The following UBE3A variants were observed in gnomAD, a reference collection of about 807,000 sequenced individuals.
The protein encoded by UBE3A is ubiquitin protein ligase E3A, also known as ubiquitin-protein ligase E3A.
A neutral mutation model predicts 83.4 loss-of-function variants in UBE3A; 6 were observed. The ratio of observed to expected loss-of-function variants is 0.07; its 90% CI spans 0.04 to 0.14. The LOEUF is 0.14. Among genes scored for constraint, UBE3A ranks in the 10% least tolerant of loss-of-function variants. UBE3A has a pLI of 1.00. For synonymous variants in UBE3A, 337 were observed against 355.4 expected (o/e 0.95, Z 0.58); for missense variants, 456 against 1,036.1 (o/e 0.44, Z 7.69).
chr15:25,408,587 A>C lies in UBE3A; in HGVS notation c.20+501T>G, dbSNP rs1439594626. 8 of 1,613,622 alleles carry C rather than the reference A, an allele frequency of 5.0e-6. 1 individual carries two copies. The East Asian group carries it at 1.8e-4, about 36-fold the overall frequency. On this transcript the variant is annotated intron_variant, in intron 3 of 12. Transcript: ENST00000648336. ...AAACACCCACTAATCTGAATACTGCAGCATGAGCTAGCAAATTCAAATGGT... is the reference window on the plus strand; with the variant it reads ...AAACACCCACTAATCTGAATACTGCCGCATGAGCTAGCAAATTCAAATGGT...
At chr15:25,339,491 A>G in intron 12 of UBE3A, 4 of 400,082 alleles carry the variant, frequency 1.0e-5, no homozygotes, top group East Asian at 4.9e-5. Context: ...TTTTTACTAC[A>G]TAACAGATAC....
chr15:25,364,090 G>A (rs957632528), intron 6 of UBE3A, among the ~76,000 whole-genome samples: 20 of 128,484 alleles, frequency 1.6e-4, no homozygotes, highest in African/African-American at 5.2e-4. Context: ...GTGGGGGGTG[G>A]TGGCATGCGC....
Position 25,334,667 on chromosome 15 carries a change from G to T in UBE3A, c.*4470C>A, listed in dbSNP as rs1009629228. ...AATCTAAACTTACTACCAAGCTACA[G>T]CCATCAAGACAGTGCGGTGCTGGTA... On this transcript the variant is annotated 3_prime_UTR_variant, in exon 13 of 13. Transcript: ENST00000648336. 6.6e-6 allele frequency: 1 copy of T among 151,430 alleles called. No individual in the cohort carries two copies. The highest frequency in any genetic ancestry group is 1.5e-5 in the Non-Finnish European group (1 of 67,976). 9.4% of individuals were successfully genotyped at this position (151,430 alleles called of 1,614,324 possible). A position where few individuals can be genotyped will look rare whatever the true frequency, so the allele number is the denominator to read the frequency against.
intron 6 of UBE3A, 91 bp from the exon 7 acceptor site, chr15:25,360,618 A>C: frequency 6.8e-7 from 1 of 1,470,904 alleles, no homozygotes; most frequent in Non-Finnish European, 9.2e-7. Flanking sequence ...TTAGGAAACA[A>C]ATACAAATTT....
intron 6 of UBE3A, among the ~76,000 whole-genome samples, chr15:25,362,523 T>C (rs1323222034): frequency 6.6e-6 from 1 of 152,190 alleles, no homozygotes; most frequent in Non-Finnish European, 1.5e-5. Flanking sequence ...GAGTGTTACC[T>C]TTTAAAATAG....
intron 6 of UBE3A, among the ~76,000 whole-genome samples, chr15:25,364,661 T>TTTTA (rs780400511): frequency 6.8e-6 from 1 of 146,674 alleles, no homozygotes; most frequent in African/African-American, 2.5e-5. Context: ...TTTTTTTTTT[T>TTTTA]GAGACGGAGT....
At chr15:25,387,404 C>T (rs918856760) in intron 4 of UBE3A, among the ~76,000 whole-genome samples, 1 of 152,070 alleles carries the variant, frequency 6.6e-6, no homozygotes, top group Non-Finnish European at 1.5e-5. Context: ...CGCCTGTAGT[C>T]CCAGCTACTT....
At chr15:25,428,632 A>T (rs1435557042) in intron 1 of UBE3A, among the ~76,000 whole-genome samples, 1 of 152,344 alleles carries the variant, frequency 6.6e-6, no homozygotes, top group Middle Eastern at 3.4e-3. Flanking sequence ...TATTTAAAAC[A>T]TACAGAAAAT....
intron 11 of UBE3A, among the ~76,000 whole-genome samples, chr15:25,348,538 G>T (rs1460387237): frequency 6.6e-6 from 1 of 152,098 alleles, no homozygotes; most frequent in Admixed American, 6.5e-5. Flanking sequence ...AAAGAAACCT[G>T]TCTTGATTTG....
At position 25,333,868 on chromosome 15, in the gene UBE3A, A is replaced by C. The variant is rs1490761086; in HGVS notation, c.*5269T>G. 2.0e-5 allele frequency: 3 copies of C among 150,640 alleles called. No homozygotes were observed. Among genetic ancestry groups the C allele is most frequent in the Non-Finnish European group, 4.4e-5 (3 of 67,952 alleles). The allele number at this position is 150,640 out of a possible 1,614,324, so 9.3% of individuals were successfully genotyped here. A position where few individuals can be genotyped will look rare whatever the true frequency, so the allele number is the denominator to read the frequency against. ...CAACATGAAAATCTTGATACAGAAG[A>C]AGCATTTAACAAAACCCACAGCCCC... On this transcript the variant is annotated 3_prime_UTR_variant, in exon 13 of 13. Transcript: ENST00000648336.
At chr15:25,342,840 T>C (rs974741593) in intron 11 of UBE3A, among the ~76,000 whole-genome samples, 6 of 152,040 alleles carry the variant, frequency 3.9e-5, no homozygotes, top group East Asian at 3.9e-4. Context: ...AGAGCACTAC[T>C]GAGTGTAGGT....
chr15:25,396,442 C>G (rs2152989307), intron 4 of UBE3A, among the ~76,000 whole-genome samples: 1 of 151,852 alleles, frequency 6.6e-6, no homozygotes, highest in Non-Finnish European at 1.5e-5. Flanking sequence ...CCTGTCTCTA[C>G]AAAAAACAAA....
At chr15:25,354,074 C>G in intron 11 of UBE3A, 2 of 490,050 alleles carry the variant, frequency 4.1e-6, no homozygotes, top group Non-Finnish European at 7.3e-6. Context: ...TTCTAACCAG[C>G]AGTAAGCATA....
chr15:25,424,888 T>G (rs1218215639), intron 1 of UBE3A, among the ~76,000 whole-genome samples: 1 of 152,074 alleles, frequency 6.6e-6, no homozygotes, highest in Non-Finnish European at 1.5e-5. Context: ...TGGAAAGATA[T>G]CCCATGCTCA....
At chr15:25,431,749 C>T (rs1438476506) in intron 1 of UBE3A, among the ~76,000 whole-genome samples, 2 of 152,078 alleles carry the variant, frequency 1.3e-5, no homozygotes, top group African/African-American at 4.8e-5. Flanking sequence ...AGGATTTATC[C>T]ATTAGTATAC....
chr15:25,385,841 CAG>C (rs2083028054), intron 4 of UBE3A, among the ~76,000 whole-genome samples: 1 of 152,012 alleles, frequency 6.6e-6, no homozygotes, highest in South Asian at 2.1e-4. Context: ...CTAAAAACTC[CAG>C]AGTTACCCAA....
At position 25,337,754 on chromosome 15, in the gene UBE3A, T is replaced by TATCA. The variant is rs1423468084; in HGVS notation, c.*1379_*1382dup. On this transcript the variant is annotated 3_prime_UTR_variant, in exon 13 of 13. Coordinates refer to ENST00000648336, the MANE Select transcript of UBE3A (RefSeq NM_130839.5). ...AGCTATAGCTTGTAGCAAAAGGATA[T>TATCA]ATCAATGTCTCACCTTAGTTAAAAA... 3 of 152,130 alleles carry TATCA rather than the reference T, an allele frequency of 2.0e-5. No homozygotes were observed. The highest frequency in any genetic ancestry group is 4.4e-5 in the Non-Finnish European group (3 of 68,014). 9.4% of individuals were successfully genotyped at this position (152,130 alleles called of 1,614,324 possible). A position where few individuals can be genotyped will look rare whatever the true frequency, so the allele number is the denominator to read the frequency against.
At chr15:25,356,659 A>G (rs1261743561) in intron 8 of UBE3A, 32 bp downstream of exon 8, 1 of 1,597,444 alleles carries the variant, frequency 6.3e-7, no homozygotes, top group Non-Finnish European at 8.6e-7. Context: ...AAAATCTAAG[A>G]GACTGAATTA....
chr15:25,425,057 A>C (rs1210487934), intron 1 of UBE3A, among the ~76,000 whole-genome samples: 2 of 152,178 alleles, frequency 1.3e-5, no homozygotes, highest in African/African-American at 4.8e-5. Flanking sequence ...AACAATTTTG[A>C]AAAAGAATAA....
Sources: allele counts gnomAD v4.1 joint callset (sites outside exome capture counted in the v4.1 genomes callset), GRCh38; gene constraint gnomAD v4.1.1; transcripts MANE v1.5; gene names NCBI Gene and HGNC (gene_info 2026-07-23, HGNC 2026-07-21).